The following FANCI variants were observed in gnomAD, a reference collection of about 807,000 sequenced individuals.
FANCI encodes FA complementation group I.
A neutral mutation model predicts 176.1 loss-of-function variants in FANCI; 156 were observed. That is an observed-to-expected ratio of 0.89 (90% CI 0.78 to 1.01). The LOEUF (loss-of-function observed/expected upper bound fraction) is 1.01, where lower values mean the gene tolerates loss of function less well. FANCI is among the 50% of genes least tolerant of loss of function. The pLI is 0.00. For synonymous variants in FANCI, 613 were observed against 541.7 expected (o/e 1.13, Z -1.83); for missense variants, 1,678 against 1,534.1 (o/e 1.09, Z -1.57).
Position 89,289,125 on chromosome 15 carries a change from C to T in FANCI, c.1822-1088C>T, listed in dbSNP as rs1258632220. 2.0e-5 allele frequency among the ~76,000 whole-genome samples: 3 copies of T among 151,818 alleles called. No homozygotes were observed. In the East Asian group the frequency reaches 5.8e-4, roughly 29 times the overall value. On this transcript the variant is annotated intron_variant, in intron 18 of 37. Transcript: ENST00000310775. The stretch of plus-strand genomic sequence containing the variant: ...CCAAGCTAACCATTTGTTCAGACAT[C>T]ATTGCCTCCTTAATGTGTACTATGT...
Position 89,269,866 on chromosome 15 carries a change from C to T in FANCI, c.882+1341C>T, listed in dbSNP as rs188511939. ...CACTGTGTCACCCAAGCTAGAGTGC[C>T]GTGGCCCAATCTTGGCTCACTGCAA... is the stretch of plus-strand genomic sequence containing the variant. On this transcript the variant is annotated intron_variant, in intron 10 of 37. Coordinates refer to ENST00000310775, the MANE Select transcript of FANCI (RefSeq NM_001113378.2). Among the ~76,000 whole-genome samples the T allele has an allele frequency of 4.7e-3, 721 of 151,848 alleles. 2 individuals are homozygous for T. Among genetic ancestry groups the T allele is most frequent in the Middle Eastern group, 0.014 (4 of 292 alleles).
chr15:89,305,293 G>A, intron 29 of FANCI, 48 bp from the exon 30 acceptor site: 1 of 1,614,168 alleles, frequency 6.2e-7, no homozygotes, highest in Non-Finnish European at 8.5e-7. Flanking sequence ...TGGGGGTCAA[G>A]GGAACAACCT....
rs1367074512 is a variant in FANCI at position 89,263,931 on chromosome 15, G to C, written c.574G>C (p.Glu192Gln). 1 of 1,614,084 alleles carries C rather than the reference G, an allele frequency of 6.2e-7. No individual in the cohort carries two copies. Among genetic ancestry groups the C allele is most frequent in the Non-Finnish European group, 8.5e-7 (1 of 1,179,964 alleles). Residue 192 changes from glutamate to glutamine, a missense_variant, in exon 8 of 38, where the codon GAA becomes CAA. Physicochemically the swap from Glu to Gln is conservative, Grantham distance 29 (BLOSUM62 2). This residue lies in a region of FANCI where 469 missense variants were observed against 436.9 expected (regional missense o/e 1.07). Transcript: ENST00000310775. ...KDVPLTAEEV[E>Q]FVVEKALSMF... ...TGTCCCTCTGACTGCAGAAGAGGTGGAATTTGTGGTGGAAAAAGCATTGAG... is the reference window on the plus strand; with the variant it reads ...TGTCCCTCTGACTGCAGAAGAGGTGCAATTTGTGGTGGAAAAAGCATTGAG...
chr15:89,261,158 C>G (rs1290132023), intron 4 of FANCI, among the ~76,000 whole-genome samples: 2 of 152,054 alleles, frequency 1.3e-5, no homozygotes, highest in Non-Finnish European at 2.9e-5. Context: ...GTGGTCACAG[C>G]TACTTGGGAG....
intron 9 of FANCI, among the ~76,000 whole-genome samples, chr15:89,266,460 C>T (rs1404360870): frequency 2.6e-5 from 4 of 151,936 alleles, no homozygotes; most frequent in Non-Finnish European, 5.9e-5. Context: ...TCCCTAGTAG[C>T]TGGGGTTACA....
intron 19 of FANCI, chr15:89,290,579 T>A (rs2054023227): frequency 3.2e-6 from 1 of 308,380 alleles, no homozygotes; most frequent in African/African-American, 2.1e-5. Flanking sequence ...ATCCATTATG[T>A]TATATTTCTG....
chr15:89,260,951 G>A (rs2052687198), intron 4 of FANCI, 108 bp downstream of exon 4: 2 of 1,349,678 alleles, frequency 1.5e-6, no homozygotes, highest in African/African-American at 1.4e-5. Flanking sequence ...CCTTATTTAT[G>A]AGTAAGACCT....
At chr15:89,277,125 T>G (rs189041640) in intron 13 of FANCI, among the ~76,000 whole-genome samples, 4 of 152,262 alleles carry the variant, frequency 2.6e-5, no homozygotes, top group Non-Finnish European at 5.9e-5. Flanking sequence ...TCCAATTGTT[T>G]CTGACCTAGA....
intron 19 of FANCI, 127 bp from the exon 20 acceptor site, chr15:89,291,486 G>C (rs1159685129): frequency 7.7e-6 from 6 of 781,292 alleles, no homozygotes; most frequent in Middle Eastern, 2.6e-4. Context: ...TGGCTGCATT[G>C]TTCTTTGAAC....
At chr15:89,308,037 T>C in intron 34 of FANCI, 1 of 1,180,876 alleles carries the variant, frequency 8.5e-7, no homozygotes, top group Non-Finnish European at 1.1e-6. Context: ...AGAAGGGTTG[T>C]GATGAGACGG....
In FANCI at chr15:89,258,069, A is replaced by AT. The variant is rs113274691; in HGVS notation, c.85-622dup. On this transcript the variant is annotated intron_variant, in intron 2 of 37. Coordinates refer to ENST00000310775, the MANE Select transcript of FANCI (RefSeq NM_001113378.2). ...TCTTTATTATTCTCCAGCCATGTTG[A>AT]TTTTTTTTTTTTTAAGCAAGGCTTT... Among the ~76,000 whole-genome samples the AT allele has an allele frequency of 9.6e-3, 1,398 of 144,904 alleles. 11 individuals are homozygous for AT. Among genetic ancestry groups the AT allele is most frequent in the Admixed American group, 0.019 (277 of 14,530 alleles).
Position 89,250,698 on chromosome 15 carries a change from AATATAT to A in FANCI, c.84+2977_84+2982del, listed in dbSNP as rs551660561. Reference sequence around the variant, plus strand: ...ACCCTAGAACTTAAAGTATAATAAAAATATATATATATATAAAAATAAAAAAATACC... The same window carrying A: ...ACCCTAGAACTTAAAGTATAATAAAAATATATATAAAAATAAAAAAATACC... On this transcript the variant is annotated intron_variant, in intron 2 of 37. Coordinates refer to ENST00000310775, the MANE Select transcript of FANCI (RefSeq NM_001113378.2). Among the ~76,000 whole-genome samples the A allele has an allele frequency of 6.3e-3, 946 of 149,522 alleles. 15 individuals carry two copies. The highest frequency in any genetic ancestry group is 0.022 in the African/African-American group (906 of 40,990).
intron 9 of FANCI, 37 bp from the exon 10 acceptor site, chr15:89,268,362 C>T (rs1449851054): frequency 1.2e-6 from 2 of 1,613,028 alleles, no homozygotes; most frequent in South Asian, 1.1e-5. Context: ...TGAGCCACTG[C>T]ACCTTATAGC....
Position 89,273,354 on chromosome 15 carries a change from T to A in FANCI, c.883-23T>A, listed in dbSNP as rs750839825. The A allele has an allele frequency of 1.7e-6, 2 of 1,182,274 alleles. 1 individual carries two copies. The highest frequency in any genetic ancestry group is 2.6e-5 in the South Asian group (2 of 75,484). The allele number at this position is 1,182,274 out of a possible 1,614,324, so 73.2% of individuals were successfully genotyped here. ...AAAAAGAAAATGTAAGTAAATGACT[T>A]CCTTTTGGTTGCTCTCTTCTAGGTA... On this transcript the variant is annotated intron_variant, in intron 10 of 37. Coordinates refer to ENST00000310775, the MANE Select transcript of FANCI (RefSeq NM_001113378.2).
intron 25 of FANCI, 52 bp downstream of exon 25, chr15:89,300,018 C>T (rs755548036): frequency 3.0e-5 from 48 of 1,589,210 alleles, no homozygotes; most frequent in Non-Finnish European, 4.0e-5. Flanking sequence ...CTCCTTAGCT[C>T]AACCCCTTAA....
Position 89,260,710 on chromosome 15 carries a change from A to G in FANCI, c.158-3A>G. ...TTCTGAACCCCCTGTTTAAAACAAT[A>G]AGGTTCCCCCTGCTCTGAGGAAGCT... On this transcript the variant is annotated splice_region_variant and splice_polypyrimidine_tract_variant and intron_variant, in intron 3 of 37. Transcript: ENST00000310775. 1 of 1,613,530 alleles carries G rather than the reference A, an allele frequency of 6.2e-7. No individual in the cohort carries two copies.
At chr15:89,284,909 C>T (rs995965145) in intron 17 of FANCI, among the ~76,000 whole-genome samples, 187 bp from the exon 18 acceptor site, 5 of 152,192 alleles carry the variant, frequency 3.3e-5, no homozygotes, top group Non-Finnish European at 5.9e-5. Flanking sequence ...TAAAAATTCT[C>T]TTATTCCAAA....
chr15:89,314,533 T>C lies in FANCI; in HGVS notation c.3721-79T>C. On this transcript the variant is annotated intron_variant, in intron 35 of 37. Coordinates refer to ENST00000310775, the MANE Select transcript of FANCI (RefSeq NM_001113378.2). ...CTAGTTTTCCCCTAAAGCCATACAG[T>C]TTTGTAAGTGACAGCTTCAGAGGAA... The C allele has an allele frequency of 3.8e-6, 4 of 1,059,514 alleles. No individual in the cohort carries two copies. The South Asian group carries it at 3.8e-5, about 10-fold the overall frequency. The allele number at this position is 1,059,514 out of a possible 1,614,324, so 65.6% of individuals were successfully genotyped here. A position where few individuals can be genotyped will look rare whatever the true frequency, so the allele number is the denominator to read the frequency against.
chr15:89,254,573 G>T (rs983111960), intron 2 of FANCI, among the ~76,000 whole-genome samples: 1 of 152,140 alleles, frequency 6.6e-6, no homozygotes, highest in African/African-American at 2.4e-5. Flanking sequence ...GGAGTTCGAG[G>T]ACGGAGGATC....
Sources: allele counts gnomAD v4.1 joint callset (sites outside exome capture counted in the v4.1 genomes callset), GRCh38; gene constraint gnomAD v4.1.1; regional missense constraint gnomAD v4.1.1; transcripts MANE v1.5; gene names NCBI Gene and HGNC (gene_info 2026-07-23, HGNC 2026-07-21).